The following UBA6 variants were observed in gnomAD, a reference collection of about 807,000 sequenced individuals.
The protein encoded by UBA6 is ubiquitin-like modifier-activating enzyme 6.
In UBA6, 87 loss-of-function variants were observed where a neutral mutation model predicts 148.3. That is an observed-to-expected ratio of 0.59 (90% CI 0.49 to 0.70). UBA6 has a LOEUF of 0.70. Among genes scored for constraint, UBA6 ranks in the 30% least tolerant of loss-of-function variants. The pLI, the probability that UBA6 is intolerant of heterozygous loss-of-function variation, is 0.00. For synonymous variants in UBA6, 376 were observed against 401.0 expected, an observed-to-expected ratio of 0.94 and a Z score of 0.75; for missense variants, 1,186 against 1,241.2, an observed-to-expected ratio of 0.96 and a Z score of 0.67.
intron 10 of UBA6, 142 bp from the exon 11 acceptor site, chr4:67,664,089 C>A: frequency 1.9e-6 from 1 of 537,452 alleles, no homozygotes; most frequent in Middle Eastern, 3.9e-4. Flanking sequence ...TATGTTTTAA[C>A]TGAAATATAA....
chr4:67,701,082 T>TC lies in UBA6; in HGVS notation c.37dup (p.Glu13GlyfsTer15). 3 of 1,613,354 alleles carry TC rather than the reference T, an allele frequency of 1.9e-6. No individual in the cohort carries two copies. The highest frequency in any genetic ancestry group is 2.5e-6 in the Non-Finnish European group (3 of 1,179,698). On this transcript the variant is annotated frameshift_variant, in exon 1 of 33. Coordinates refer to ENST00000322244, the MANE Select transcript of UBA6 (RefSeq NM_018227.6). LOFTEE classifies it high-confidence loss of function. Reference sequence around the variant, plus strand: ...CCCCCAGGAAGAACAGGACGCCTCTTCCCCCTGATGGGCGGCCACAGGCTC... The same window carrying TC: ...CCCCCAGGAAGAACAGGACGCCTCTTCCCCCCTGATGGGCGGCCACAGGCTC...
chr4:67,670,107 T>C (rs1053025123), intron 8 of UBA6, among the ~76,000 whole-genome samples: 2 of 152,074 alleles, frequency 1.3e-5, no homozygotes, highest in African/African-American at 4.8e-5. Context: ...CAGGCCCGGT[T>C]AATTTTTTGT....
intron 32 of UBA6, 79 bp from the exon 33 acceptor site, chr4:67,619,211 GA>G: frequency 9.4e-7 from 1 of 1,061,950 alleles, no homozygotes; most frequent in Non-Finnish European, 1.4e-6. Context: ...ATGCCATCCA[GA>G]GAACCTGGAC....
Position 67,623,194 on chromosome 4 carries a change from G to T in UBA6, c.2869C>A (p.Arg957=). 6.2e-7 allele frequency: 1 copy of T among 1,611,976 alleles called. No individual in the cohort carries two copies. The highest frequency in any genetic ancestry group is 8.5e-7 in the Non-Finnish European group (1 of 1,178,700). ...TCTTCTTTTCCATGTACGGTCCATC[G>T]ATCCCAAATTGTAAATGATATTCCA... The part of the protein sequence containing the change: ...RNGISFTIWD[R]WTVHGKEDFT... The change falls in exon 31 of 33, where the codon CGA becomes AGA. Residue 957 remains arginine (R), a synonymous_variant. Coordinates refer to ENST00000322244, the MANE Select transcript of UBA6 (RefSeq NM_018227.6).
At chr4:67,664,160 G>T (rs1729932878) in intron 10 of UBA6, among the ~76,000 whole-genome samples, 1 of 151,854 alleles carries the variant, frequency 6.6e-6, no homozygotes. Context: ...AAAACAACCT[G>T]CTCTACATAA....
rs770918746 is a variant in UBA6, at chr4:67,677,662, A to AGAT, written c.411_413dup (p.Ser139dup). ...CTGTGGTCTCATTGAAAGGAACAGA[A>AGAT]GATGATGTGACATGAACGTATGGAT... is the stretch of plus-strand genomic sequence containing the variant. On this transcript the variant is annotated inframe_insertion, in exon 6 of 33. Coordinates refer to ENST00000322244, the MANE Select transcript of UBA6 (RefSeq NM_018227.6). 1 of 1,608,476 alleles carries AGAT rather than the reference A, an allele frequency of 6.2e-7. No individual in the cohort carries two copies. Among genetic ancestry groups the AGAT allele is most frequent in the Non-Finnish European group, 8.5e-7 (1 of 1,175,696 alleles).
At chr4:67,670,418 T>G (rs1730115822) in intron 8 of UBA6, 52 bp downstream of exon 8, 5 of 1,487,606 alleles carry the variant, frequency 3.4e-6, no homozygotes, top group Non-Finnish European at 4.6e-6. Context: ...AAAACAGCAT[T>G]CACATCAACT....
At chr4:67,668,753 T>C in intron 8 of UBA6, 79 bp from the exon 9 acceptor site, 1 of 1,369,356 alleles carries the variant, frequency 7.3e-7, no homozygotes, top group Non-Finnish European at 9.9e-7. Context: ...TAAGCAAAAA[T>C]GACAAAGTTA....
At chr4:67,696,540 CACAT>C (rs1730844226) in intron 2 of UBA6, 101 bp downstream of exon 2, 2 of 791,018 alleles carry the variant, frequency 2.5e-6, no homozygotes, top group East Asian at 2.6e-5. Flanking sequence ...CACACACACA[CACAT>C]ATAATTCTGC....
chr4:67,623,288 AC>A (rs1728793936), intron 30 of UBA6, 66 bp from the exon 31 acceptor site: 1 of 1,206,138 alleles, frequency 8.3e-7, no homozygotes, highest in Non-Finnish European at 1.2e-6. Context: ...TGACACACAC[AC>A]AAAAAAAACC....
At chr4:67,681,651 T>C in intron 3 of UBA6, 60 bp from the exon 4 acceptor site, 1 of 1,171,284 alleles carries the variant, frequency 8.5e-7, no homozygotes, top group South Asian at 1.5e-5. Flanking sequence ...AGATATGTCT[T>C]CACAGAGCTT....
At chr4:67,622,965 G>C (rs767862338) in intron 31 of UBA6, 40 bp from the exon 32 acceptor site, 1 of 1,516,424 alleles carries the variant, frequency 6.6e-7, no homozygotes. Context: ...TGAAAGCCTC[G>C]CTCAAACATA....
At chr4:67,668,729 A>G in intron 8 of UBA6, 55 bp from the exon 9 acceptor site, 1 of 1,501,692 alleles carries the variant, frequency 6.7e-7, no homozygotes, top group East Asian at 2.3e-5. Context: ...TTCTTTGTGT[A>G]CAAATTCAAA....
intron 14 of UBA6, among the ~76,000 whole-genome samples, chr4:67,648,019 C>T (rs1161431287): frequency 1.3e-5 from 2 of 151,128 alleles, no homozygotes; most frequent in African/African-American, 2.4e-5. Flanking sequence ...GTGATCTGCC[C>T]GCCTCGGCTG....
At chr4:67,641,084 A>C (rs1729294865) in intron 18 of UBA6, 67 bp downstream of exon 18, 1 of 973,606 alleles carries the variant, frequency 1.0e-6, no homozygotes, top group African/African-American at 1.7e-5. Context: ...ACTATTTTCT[A>C]TTTATTAAAA....
chr4:67,671,577 G>A (rs879935342), intron 7 of UBA6, among the ~76,000 whole-genome samples: 6 of 151,918 alleles, frequency 3.9e-5, no homozygotes, highest in Non-Finnish European at 4.4e-5. Flanking sequence ...TAATACTGCT[G>A]TGCCCTATTG....
chr4:67,676,420 T>A (rs1472902335), intron 6 of UBA6, among the ~76,000 whole-genome samples: 3 of 152,208 alleles, frequency 2.0e-5, no homozygotes, highest in African/African-American at 7.2e-5. Flanking sequence ...ACAGCACGCC[T>A]AATGGTTATG....
In UBA6 at chr4:67,622,294, G is replaced by A. The variant is rs368151019; in HGVS notation, c.3023+537C>T. 4.6e-5 allele frequency among the ~76,000 whole-genome samples: 7 copies of A among 152,296 alleles called. No homozygotes were observed. In the South Asian group the frequency reaches 8.3e-4, roughly 18 times the overall value. ...GCAAAGGGAAAACCTAGACTACTCA[G>A]TATAATATAGCAACTCAACACCCCC... On this transcript the variant is annotated intron_variant, in intron 32 of 32. Coordinates refer to ENST00000322244, the MANE Select transcript of UBA6 (RefSeq NM_018227.6).
chr4:67,685,755 T>A (rs1730542217), intron 2 of UBA6, among the ~76,000 whole-genome samples: 1 of 152,124 alleles, frequency 6.6e-6, no homozygotes, highest in Non-Finnish European at 1.5e-5. Flanking sequence ...GTGGGTTATA[T>A]CTAAAAGTAG....
Sources: allele counts gnomAD v4.1 joint callset (sites outside exome capture counted in the v4.1 genomes callset), GRCh38; gene constraint gnomAD v4.1.1; transcripts MANE v1.5; gene names NCBI Gene and HGNC (gene_info 2026-07-23, HGNC 2026-07-21).